The following CYFIP1 variants were observed in gnomAD, a reference collection of about 807,000 sequenced individuals.
CYFIP1 encodes the protein cytoplasmic FMR1 interacting protein 1.
Under a neutral mutation model 163.5 loss-of-function variants are expected in CYFIP1, and 58 were observed. That is an observed-to-expected ratio of 0.35 (90% confidence interval 0.29 to 0.44). CYFIP1 has a LOEUF of 0.44. CYFIP1 is among the 20% of genes least tolerant of loss of function. CYFIP1 has a pLI of 1.00. For synonymous variants in CYFIP1, 663 were observed against 660.7 expected, an observed-to-expected ratio of 1.00 and a Z score of -0.05; for missense variants, 1,338 against 1,653.8, an observed-to-expected ratio of 0.81 and a Z score of 3.31.
At chr15:22,976,115 TGA>T (rs1450371523) in intron 1 of CYFIP1, among the ~76,000 whole-genome samples, 1 of 152,200 alleles carries the variant, frequency 6.6e-6, no homozygotes, top group Non-Finnish European at 1.5e-5. Context: ...CCTAAGTATT[TGA>T]TTCCTTTGAA....
chr15:22,883,079 G>A, intron 23 of CYFIP1, 68 bp from the exon 24 acceptor site: 1 of 1,559,596 alleles, frequency 6.4e-7, no homozygotes, highest in African/African-American at 1.4e-5. Context: ...AACTGTGTGA[G>A]AAGATCACTC....
At chr15:22,965,440 C>T (rs747964452) in intron 1 of CYFIP1, among the ~76,000 whole-genome samples, 2 of 152,302 alleles carry the variant, frequency 1.3e-5, no homozygotes, top group South Asian at 4.1e-4. Flanking sequence ...TCTATGTTTA[C>T]GTAAACTTGG....
intron 21 of CYFIP1, among the ~76,000 whole-genome samples, chr15:22,908,962 T>G (rs1297891050): frequency 6.6e-6 from 1 of 152,204 alleles, no homozygotes. Flanking sequence ...AATTTAGCAT[T>G]GTGAACACTG....
intron 15 of CYFIP1, 144 bp from the exon 16 acceptor site, chr15:22,916,774 G>T (rs752975487): frequency 6.2e-7 from 1 of 1,601,426 alleles, no homozygotes; most frequent in Non-Finnish European, 8.5e-7. Context: ...AGGGGTCCGG[G>T]TGCCTGTCTA....
At chr15:22,956,373 C>T (rs1481867779) in intron 1 of CYFIP1, among the ~76,000 whole-genome samples, 1 of 151,964 alleles carries the variant, frequency 6.6e-6, no homozygotes, top group Admixed American at 6.6e-5. Context: ...TGAAAAAAGA[C>T]ACTACTAGGC....
intron 1 of CYFIP1, among the ~76,000 whole-genome samples, chr15:22,948,626 A>G (rs2062138749): frequency 6.6e-6 from 1 of 152,212 alleles, no homozygotes; most frequent in Non-Finnish European, 1.5e-5. Context: ...AGATGCCAAA[A>G]TAACACAGGT....
At chr15:22,896,544 C>T (rs1237029834) in intron 22 of CYFIP1, among the ~76,000 whole-genome samples, 1 of 151,798 alleles carries the variant, frequency 6.6e-6, no homozygotes, top group East Asian at 1.9e-4. Flanking sequence ...TGCTTCAGTT[C>T]AGCTAGTTTC....
chr15:22,906,969 C>G (rs2060607788), intron 21 of CYFIP1, among the ~76,000 whole-genome samples: 1 of 152,080 alleles, frequency 6.6e-6, no homozygotes, highest in South Asian at 2.1e-4. Context: ...GAAATAAGCT[C>G]TCTCATGCTT....
chr15:22,913,527 CAAAAA>C (rs35228444), intron 17 of CYFIP1, among the ~76,000 whole-genome samples: 1 of 10,286 alleles, frequency 9.7e-5, no homozygotes, highest in African/African-American at 3.9e-4. Context: ...GGCTCTGTCT[CAAAAA>C]AAAAAAAAAA....
chr15:22,968,514 C>T (rs915961277), intron 1 of CYFIP1, among the ~76,000 whole-genome samples: 2 of 152,182 alleles, frequency 1.3e-5, no homozygotes, highest in African/African-American at 2.4e-5. Context: ...CCAGCCTCTA[C>T]AATTGTGAGT....
intron 23 of CYFIP1, among the ~76,000 whole-genome samples, chr15:22,889,189 A>G (rs544426440): frequency 1.3e-5 from 2 of 151,888 alleles, no homozygotes; most frequent in African/African-American, 4.8e-5. Context: ...AGTTGAATTT[A>G]AAAAAAAATC....
At chr15:22,976,931 G>A (rs1482931829) in intron 1 of CYFIP1, among the ~76,000 whole-genome samples, 1 of 152,174 alleles carries the variant, frequency 6.6e-6, no homozygotes, top group Non-Finnish European at 1.5e-5. Flanking sequence ...CGGGCCCGGT[G>A]GCTCACGCCT....
intron 1 of CYFIP1, among the ~76,000 whole-genome samples, chr15:22,974,248 A>ACT (rs1189800621): frequency 6.6e-6 from 1 of 152,170 alleles, no homozygotes; most frequent in Non-Finnish European, 1.5e-5. Flanking sequence ...AGCACCTTTC[A>ACT]CAACAGCCAA....
At chr15:22,916,283 C>T (rs552868833) in intron 16 of CYFIP1, among the ~76,000 whole-genome samples, 194 bp downstream of exon 16, 4 of 152,296 alleles carry the variant, frequency 2.6e-5, no homozygotes, top group African/African-American at 7.2e-5. Flanking sequence ...AGTTTATACC[C>T]TTGTAGGGAC....
Position 22,975,716 on chromosome 15 carries a change from G to T in CYFIP1, c.-7+4571C>A, listed in dbSNP as rs541743564. 7.2e-5 allele frequency among the ~76,000 whole-genome samples: 11 copies of T among 152,302 alleles called. No individual in the cohort carries two copies. In the South Asian group the frequency reaches 2.3e-3, roughly 32 times the overall value. On this transcript the variant is annotated intron_variant, in intron 1 of 30. Coordinates refer to ENST00000617928, the MANE Select transcript of CYFIP1 (RefSeq NM_014608.6). ...AGAGGTTGCAGTGTGCCAAGATCGT[G>T]CCATTGCACTCTATCCTGGGCAATA...
At chr15:22,979,043 T>G (rs1313618846) in intron 1 of CYFIP1, among the ~76,000 whole-genome samples, 1 of 152,202 alleles carries the variant, frequency 6.6e-6, no homozygotes, top group Non-Finnish European at 1.5e-5. Flanking sequence ...ACATTTTCTT[T>G]GAGCGCAGCA....
intron 9 of CYFIP1, among the ~76,000 whole-genome samples, chr15:22,935,077 TG>T (rs1197422832): frequency 6.6e-6 from 1 of 152,134 alleles, no homozygotes; most frequent in Non-Finnish European, 1.5e-5. Context: ...AAAATGGTTT[TG>T]GGGGGATAGT....
chr15:22,976,209 C>A (rs966648238), intron 1 of CYFIP1, among the ~76,000 whole-genome samples: 1 of 151,596 alleles, frequency 6.6e-6, no homozygotes, highest in Non-Finnish European at 1.5e-5. Flanking sequence ...CCAGGCTGGA[C>A]TGCAGTGGCG....
At chr15:22,900,788 G>A (rs555217183) in intron 22 of CYFIP1, among the ~76,000 whole-genome samples, 1 of 151,894 alleles carries the variant, frequency 6.6e-6, no homozygotes, top group Non-Finnish European at 1.5e-5. Context: ...TGCCCAAACC[G>A]CACCCACCCC....
Sources: gnomAD v4.1 joint callset for allele counts (sites outside exome capture counted in the v4.1 genomes callset) on GRCh38, gnomAD v4.1.1 for gene constraint, MANE v1.5 for transcripts, NCBI Gene and HGNC (gene_info 2026-07-23, HGNC 2026-07-21) for gene names.